Variants in ANKRD54 observed in about 807,000 individuals in gnomAD.
ANKRD54 encodes ankyrin repeat domain-containing protein 54.
In ANKRD54, 26 loss-of-function variants were observed where a neutral mutation model predicts 36.2. The observed-to-expected ratio is 0.72, with a 90% confidence interval of 0.53 to 1.00. The LOEUF (loss-of-function observed/expected upper bound fraction) is 1.00. Among genes scored for constraint, ANKRD54 ranks in the 50% least tolerant of loss-of-function variants. The pLI is 0.00. For missense variants in ANKRD54, 384 were observed against 424.3 expected, an observed-to-expected ratio of 0.91 and a Z score of 0.83; for synonymous variants, 209 against 188.4, an observed-to-expected ratio of 1.11 and a Z score of -0.89.
At chr22:37,842,634 C>A (rs1924420804) in intron 1 of ANKRD54, among the ~76,000 whole-genome samples, 1 of 152,200 alleles carries the variant, frequency 6.6e-6, no homozygotes, top group Admixed American at 6.6e-5. Context: ...AAAGCAATGT[C>A]TTTGTCATCG....
upstream of ANKRD54, chr22:37,848,468 T>G (rs2146000699): frequency 6.6e-6 from 1 of 152,066 alleles, no homozygotes; most frequent in East Asian, 1.9e-4. Flanking sequence ...CGATCTCGGC[T>G]CACTACAGCC....
At chr22:37,838,746 T>C (rs1923854874) in intron 2 of ANKRD54, 148 bp from the exon 3 acceptor site, 1 of 726,016 alleles carries the variant, frequency 1.4e-6, no homozygotes, top group Non-Finnish European at 2.3e-6. Context: ...TAGATGCTGG[T>C]CCTATGGGAA....
chr22:37,838,860 G>A (rs956255854), intron 2 of ANKRD54, among the ~76,000 whole-genome samples: 10 of 152,056 alleles, frequency 6.6e-5, no homozygotes, highest in African/African-American at 2.4e-4. Flanking sequence ...AGGCCCTCAG[G>A]GTCAGAAATT....
chr22:37,832,120 C>T, intron 7 of ANKRD54, 103 bp from the exon 8 acceptor site: 1 of 1,120,372 alleles, frequency 8.9e-7, no homozygotes, highest in Non-Finnish European at 1.3e-6. Context: ...ACGGTCTCTC[C>T]TCCCAGGGCG....
intron 2 of ANKRD54, among the ~76,000 whole-genome samples, chr22:37,839,820 G>A (rs1286590681): frequency 2.6e-5 from 4 of 152,190 alleles, no homozygotes; most frequent in African/African-American, 4.8e-5. Flanking sequence ...TCACCTGGCC[G>A]TGGCAGCTAA....
At position 37,843,902 on chromosome 22, in the gene ANKRD54, G is replaced by T; in HGVS notation, c.328+9C>A. ...CGCCCCGGGCCCCCGCGCCGCTCGC[G>T]CCGCTCACCGTGCACCTCCTTGCCC... On this transcript the variant is annotated intron_variant, in intron 1 of 7. Transcript: ENST00000215941. The T allele has an allele frequency of 8.2e-7, 1 of 1,224,216 alleles. No homozygotes were observed. Among genetic ancestry groups the T allele is most frequent in the South Asian group, 3.7e-5 (1 of 27,070 alleles). The allele number at this position is 1,224,216 out of a possible 1,614,324, so 75.8% of individuals were successfully genotyped here.
intron 1 of ANKRD54, 110 bp downstream of exon 1, chr22:37,843,801 A>ACCCCGGCTGAGGGTCGGGGGC: frequency 5.3e-6 from 4 of 752,858 alleles, no homozygotes; most frequent in Non-Finnish European, 7.0e-6. Flanking sequence ...ACGTCGGGGG[A>ACCCCGGCTGAGGGTCGGGGGC]CCCCGGCTGA....
At chr22:37,838,334 C>T (rs73411597) in intron 3 of ANKRD54, among the ~76,000 whole-genome samples, 166 bp downstream of exon 3, 7,705 of 152,214 alleles carry the variant, frequency 0.051, 629 homozygotes, top group African/African-American at 0.17. Context: ...TTGCCAGTTC[C>T]ACAGGCTAAC....
intron 1 of ANKRD54, among the ~76,000 whole-genome samples, chr22:37,843,296 G>A (rs1036505977): frequency 6.6e-6 from 1 of 152,058 alleles, no homozygotes; most frequent in Admixed American, 6.6e-5. Flanking sequence ...GGTAGTGGGC[G>A]CCTGTAACCC....
rs2145993153 is a variant in ANKRD54, at chr22:37,844,074, GCC to G, written c.163_164del (p.Gly55ProfsTer67). 1.4e-6 allele frequency: 2 copies of G among 1,440,210 alleles called. No individual in the cohort carries two copies. The highest frequency in any genetic ancestry group is 6.0e-5 in the East Asian group (2 of 33,184). 89.2% of individuals were successfully genotyped at this position (1,440,210 alleles called of 1,614,324 possible). Reference sequence around the variant, plus strand: ...GCGACTGGGCCCCGCCGGACGCCCGGCCCGAGAGGCCCGCGCCGCCGCCGCCC... The same window carrying G: ...GCGACTGGGCCCCGCCGGACGCCCGGCGAGAGGCCCGCGCCGCCGCCGCCC... ...ALGGGGAGLSGRASGGAQSPL... is the reference protein window; with the variant it reads ...ALGGGGAGLSXRASGGAQSPL... On this transcript the variant is annotated frameshift_variant, in exon 1 of 8. Coordinates refer to ENST00000215941, the MANE Select transcript of ANKRD54 (RefSeq NM_138797.4). LOFTEE classifies it high-confidence loss of function.
In ANKRD54 at chr22:37,832,113, G is replaced by A. The variant is rs1349397489; in HGVS notation, c.829-96C>T. 73 of 1,198,098 alleles carry A rather than the reference G, an allele frequency of 6.1e-5. No homozygotes were observed. The South Asian group carries it at 9.2e-4, about 15-fold the overall frequency. The allele number at this position is 1,198,098 out of a possible 1,614,324, so 74.2% of individuals were successfully genotyped here. A position where few individuals can be genotyped will look rare whatever the true frequency, so the allele number is the denominator to read the frequency against. On this transcript the variant is annotated intron_variant, in intron 7 of 7. Coordinates refer to ENST00000215941, the MANE Select transcript of ANKRD54 (RefSeq NM_138797.4). ...CCCACAGGCACAGAACACAGGCACG[G>A]TCTCTCCTCCCAGGGCGTGTGGTGG... is the stretch of plus-strand genomic sequence containing the variant.
chr22:37,843,182 G>A (rs1924493680), intron 1 of ANKRD54, among the ~76,000 whole-genome samples: 1 of 152,186 alleles, frequency 6.6e-6, no homozygotes, highest in African/African-American at 2.4e-5. Flanking sequence ...CAGTACTTTG[G>A]GAGGCCGAGG....
chr22:37,832,336 GTTTT>G (rs112298885), intron 7 of ANKRD54, among the ~76,000 whole-genome samples: 29 of 146,794 alleles, frequency 2.0e-4, no homozygotes, highest in Admixed American at 8.2e-4. Flanking sequence ...CCTTGCTCTG[GTTTT>G]TTTTTTTGTT....
intron 1 of ANKRD54, among the ~76,000 whole-genome samples, chr22:37,840,805 T>C (rs1223647262): frequency 1.3e-5 from 2 of 151,326 alleles, no homozygotes; most frequent in African/African-American, 4.9e-5. Flanking sequence ...GAGAATCACT[T>C]GAACCCAGGA....
intron 1 of ANKRD54, among the ~76,000 whole-genome samples, chr22:37,841,309 T>C (rs1272581607): frequency 1.3e-5 from 2 of 151,860 alleles, no homozygotes; most frequent in African/African-American, 4.8e-5. Context: ...GCAGATTGCC[T>C]GTGCTCTGGA....
At chr22:37,837,979 T>TA (rs764599546) in intron 3 of ANKRD54, among the ~76,000 whole-genome samples, 3 of 151,738 alleles carry the variant, frequency 2.0e-5, no homozygotes, top group Non-Finnish European at 2.9e-5. Flanking sequence ...TAAAAACATA[T>TA]AAAAAATTAG....
upstream of ANKRD54, chr22:37,844,337 C>A (rs753844117): frequency 3.6e-6 from 5 of 1,393,744 alleles, no homozygotes; most frequent in African/African-American, 7.6e-5. Context: ...AGCGAGCTGG[C>A]GGGCGGGCAG....
At chr22:37,838,625 A>G in intron 2 of ANKRD54, 27 bp from the exon 3 acceptor site, 2 of 1,593,980 alleles carry the variant, frequency 1.3e-6, no homozygotes, top group Non-Finnish European at 1.7e-6. Context: ...AGAGGGAGGA[A>G]GGGGGAGAAA....
intron 1 of ANKRD54, 124 bp downstream of exon 1, chr22:37,843,787 G>T: frequency 1.7e-6 from 1 of 582,348 alleles, no homozygotes; most frequent in Non-Finnish European, 2.4e-6. Context: ...GGCCCTCAGC[G>T]CAGACGTCGG....
Sources: allele counts gnomAD v4.1 joint callset (sites outside exome capture counted in the v4.1 genomes callset), GRCh38; gene constraint gnomAD v4.1.1; transcripts MANE v1.5; gene names NCBI Gene and HGNC (gene_info 2026-07-23, HGNC 2026-07-21).